The following KCNQ1 variants were observed in gnomAD, a reference collection of about 807,000 sequenced individuals.
The protein encoded by KCNQ1 is potassium voltage-gated channel subfamily KQT member 1.
A neutral mutation model predicts 72.4 loss-of-function variants in KCNQ1; 49 were observed. That is an observed-to-expected ratio of 0.68 (90% CI 0.54 to 0.86). KCNQ1 has a LOEUF of 0.86. Among genes scored for constraint, KCNQ1 ranks in the 40% least tolerant of loss-of-function variants. The probability of loss-of-function intolerance (pLI) is 0.00; values close to 1 mark genes in which losing one functional copy is unlikely to be tolerated. For missense variants in KCNQ1, 790 were observed against 945.1 expected (o/e 0.84, Z 2.15); for synonymous variants, 450 against 412.6 (o/e 1.09, Z -1.10).
intron 1 of KCNQ1, among the ~76,000 whole-genome samples, chr11:2,454,336 T>G (rs539806205): frequency 1.3e-5 from 2 of 152,314 alleles, no homozygotes; most frequent in Non-Finnish European, 2.9e-5. Context: ...AAGCTGTTCG[T>G]AATCGCTTGG....
chr11:2,515,674 T>C lies in KCNQ1; in HGVS notation c.387-12254T>C, dbSNP rs1847276929. On this transcript the variant is annotated intron_variant, in intron 1 of 15. Coordinates refer to ENST00000155840, the MANE Select transcript of KCNQ1 (RefSeq NM_000218.3). This position sits in a 1 kb window ranked among gnomAD's most constrained non-coding sequence, Gnocchi z 4.7. ...GACAAGACGAGTGTCCTAGGGCAGA[T>C]AGGGCCACATCCATGGGGTCACTTC... is the stretch of plus-strand genomic sequence containing the variant. Among the ~76,000 whole-genome samples, 1 of 152,056 alleles carries C rather than the reference T, an allele frequency of 6.6e-6. No individual in the cohort carries two copies. The highest frequency in any genetic ancestry group is 2.1e-4 in the South Asian group (1 of 4,810).
rs908234618 is a variant in KCNQ1, at chr11:2,712,155, C to G, written c.1514+50074C>G. Reference sequence around the variant, plus strand: ...TTGGAAACCTGAGTGGGGTTTTGTGCTTGCATCTCATTTAAGCCATGAACA... The same window carrying G: ...TTGGAAACCTGAGTGGGGTTTTGTGGTTGCATCTCATTTAAGCCATGAACA... On this transcript the variant is annotated intron_variant, in intron 11 of 15. Transcript: ENST00000155840. This position sits in a 1 kb window ranked among gnomAD's most constrained non-coding sequence, Gnocchi z 6.4. 5.3e-5 allele frequency among the ~76,000 whole-genome samples: 8 copies of G among 152,134 alleles called. No individual in the cohort carries two copies. Among genetic ancestry groups the G allele is most frequent in the Non-Finnish European group, 8.8e-5 (6 of 68,006 alleles).
rs138168298 is a variant in KCNQ1 at position 2,704,401 on chromosome 11, C to T, written c.1514+42320C>T. ...GAGACATGTTTACTTGACTTCCTGC[C>T]CCAGGTCTCTGCTGTACCCACAGGT... is the stretch of plus-strand genomic sequence containing the variant. On this transcript the variant is annotated intron_variant, in intron 11 of 15. Coordinates refer to ENST00000155840, the MANE Select transcript of KCNQ1 (RefSeq NM_000218.3). This position sits in a 1 kb window ranked among gnomAD's most constrained non-coding sequence, Gnocchi z 4.3. 3.3e-5 allele frequency among the ~76,000 whole-genome samples: 5 copies of T among 152,324 alleles called. No homozygotes were observed. The East Asian group carries it at 5.8e-4, about 18-fold the overall frequency.
intron 1 of KCNQ1, chr11:2,461,475 T>C (rs766833163): frequency 1.1e-5 from 14 of 1,291,322 alleles, no homozygotes; most frequent in Non-Finnish European, 1.4e-5. Context: ...GGCCTGGGGC[T>C]GTGAGAGGCC....
In KCNQ1 at chr11:2,475,539, A is replaced by G. The variant is rs1417207456; in HGVS notation, c.386+30055A>G. Among the ~76,000 whole-genome samples the G allele has an allele frequency of 6.6e-6, 1 of 152,244 alleles. No individual in the cohort carries two copies. ...AAGATTTTCAAGCACACACACCTAA[A>G]GATAGCAGACATTCCATTCAACCTT... On this transcript the variant is annotated intron_variant, in intron 1 of 15. Coordinates refer to ENST00000155840, the MANE Select transcript of KCNQ1 (RefSeq NM_000218.3). The surrounding 1 kb of genome is among the most constrained non-coding windows in gnomAD (Gnocchi z 5.8).
rs1851042326 is a variant in KCNQ1, at chr11:2,713,634, G to A, written c.1514+51553G>A. On this transcript the variant is annotated intron_variant, in intron 11 of 15. Transcript: ENST00000155840. This position sits in a 1 kb window ranked among gnomAD's most constrained non-coding sequence, Gnocchi z 5.6. The stretch of plus-strand genomic sequence containing the variant: ...AGAAAAAAGTGAGCTGACATTATGG[G>A]TCGGCCCCTGTTCTGGAGGCCACAG... Among the ~76,000 whole-genome samples the A allele has an allele frequency of 3.3e-5, 5 of 152,194 alleles. 1 individual carries two copies. The South Asian group carries it at 8.3e-4, about 25-fold the overall frequency.
Position 2,691,593 on chromosome 11 carries a change from G to T in KCNQ1, c.1514+29512G>T, listed in dbSNP as rs928782544. 2.5e-6 allele frequency: 1 copy of T among 398,582 alleles called. No individual in the cohort carries two copies. Among genetic ancestry groups the T allele is most frequent in the Non-Finnish European group, 4.4e-6 (1 of 226,058 alleles). The allele number at this position is 398,582 out of a possible 1,614,324, so 24.7% of individuals were successfully genotyped here. A position where few individuals can be genotyped will look rare whatever the true frequency, so the allele number is the denominator to read the frequency against. ...CAGCAAGGACGAGGCCTCCCTGAGG[G>T]AGTCAACCTAGCTTGTTCCCTGCAC... On this transcript the variant is annotated intron_variant, in intron 11 of 15. Transcript: ENST00000155840. The surrounding 1 kb of genome is among the most constrained non-coding windows in gnomAD (Gnocchi z 6.4).
chr11:2,722,315 G>T (rs1845683046), intron 11 of KCNQ1, among the ~76,000 whole-genome samples: 1 of 152,216 alleles, frequency 6.6e-6, no homozygotes, highest in African/African-American at 2.4e-5. Flanking sequence ...CGGGCCTCGG[G>T]TGCATGCCTC....
At chr11:2,474,868 C>T (rs1846548120) in intron 1 of KCNQ1, among the ~76,000 whole-genome samples, 1 of 152,036 alleles carries the variant, frequency 6.6e-6, no homozygotes, top group South Asian at 2.1e-4. Flanking sequence ...TCATCACAGC[C>T]CCACATCGGG....
chr11:2,738,594 T>A (rs542985523), intron 11 of KCNQ1, among the ~76,000 whole-genome samples: 2 of 152,220 alleles, frequency 1.3e-5, no homozygotes, highest in African/African-American at 4.8e-5. Context: ...AGTCAGCCTG[T>A]CCCATCCCTC....
At chr11:2,655,226 C>T (rs1019390084) in intron 10 of KCNQ1, 3 of 398,488 alleles carry the variant, frequency 7.5e-6, no homozygotes, top group Non-Finnish European at 1.3e-5. Flanking sequence ...TCGCCACGCC[C>T]GAGGCTGCCT....
rs961794165 is a variant in KCNQ1 at position 2,550,471 on chromosome 11, C to T, written c.478-20157C>T. ...ATGTTCCTCCCTAGGCAGCTCCATGCGCGGGCCCCGGAGCTGGAAAGCAGC... is the reference window on the plus strand; with the variant it reads ...ATGTTCCTCCCTAGGCAGCTCCATGTGCGGGCCCCGGAGCTGGAAAGCAGC... On this transcript the variant is annotated intron_variant, in intron 2 of 15. Coordinates refer to ENST00000155840, the MANE Select transcript of KCNQ1 (RefSeq NM_000218.3). The surrounding 1 kb of genome is among the most constrained non-coding windows in gnomAD (Gnocchi z 6.0). 1.3e-5 allele frequency among the ~76,000 whole-genome samples: 2 copies of T among 152,176 alleles called. No homozygotes were observed. The highest frequency in any genetic ancestry group is 6.5e-5 in the Admixed American group (1 of 15,284).
intron 15 of KCNQ1, among the ~76,000 whole-genome samples, chr11:2,823,800 AGGCAGTG>A (rs1847786425): frequency 6.6e-6 from 1 of 152,164 alleles, no homozygotes; most frequent in East Asian, 1.9e-4. Flanking sequence ...TGGGGGACCC[AGGCAGTG>A]GGCATAGATT....
intron 10 of KCNQ1, chr11:2,609,892 G>T (rs796635077): frequency 2.5e-5 from 10 of 397,930 alleles, no homozygotes; most frequent in African/African-American, 1.6e-4. Context: ...TTTACTTTCA[G>T]TTGGCATTTA....
chr11:2,793,201 G>C (rs558466504), intron 15 of KCNQ1, among the ~76,000 whole-genome samples: 1 of 152,348 alleles, frequency 6.6e-6, no homozygotes, highest in African/African-American at 2.4e-5. Flanking sequence ...ACAAACACAA[G>C]GGCTCTTGTT....
intron 1 of KCNQ1, among the ~76,000 whole-genome samples, chr11:2,456,677 G>A (rs146520303): frequency 0.03 from 4,484 of 149,546 alleles, 205 homozygotes; most frequent in African/African-American, 0.099. Flanking sequence ...ATCCCAGCAC[G>A]TTGGGAGGCC....
rs1847426097 is a variant in KCNQ1, at chr11:2,808,716, C to T, written c.1794+30679C>T. On this transcript the variant is annotated intron_variant, in intron 15 of 15. Transcript: ENST00000155840. The surrounding 1 kb of genome is among the most constrained non-coding windows in gnomAD (Gnocchi z 6.0). ...ACCATGCCCCCTTTCCCTAGGATAC[C>T]CCTTGTTATCCTAGAAATACCCATC... Among the ~76,000 whole-genome samples the T allele has an allele frequency of 6.6e-6, 1 of 152,044 alleles. No homozygotes were observed. Among genetic ancestry groups the T allele is most frequent in the Admixed American group, 6.5e-5 (1 of 15,272 alleles).
chr11:2,524,821 G>T (rs1847467123), intron 1 of KCNQ1, among the ~76,000 whole-genome samples: 1 of 152,192 alleles, frequency 6.6e-6, no homozygotes, highest in South Asian at 2.1e-4. Context: ...CAGGGGAGCT[G>T]CCTGGGTCAC....
chr11:2,840,882 G>A (rs904280724), intron 15 of KCNQ1, among the ~76,000 whole-genome samples: 2 of 152,146 alleles, frequency 1.3e-5, no homozygotes, highest in African/African-American at 4.8e-5. Flanking sequence ...TTGGGGCCCC[G>A]GGAAATTGGC....
Sources: gnomAD v4.1 joint callset for allele counts (sites outside exome capture counted in the v4.1 genomes callset) on GRCh38, gnomAD v4.1.1 for gene constraint, Gnocchi (gnomAD v3.1) non-coding constraint, MANE v1.5 for transcripts, NCBI Gene and HGNC (gene_info 2026-07-23, HGNC 2026-07-21) for gene names.